The following C1orf21 variants were observed in gnomAD, a reference collection of about 807,000 sequenced individuals.
C1orf21 encodes uncharacterized protein C1orf21.
A neutral mutation model predicts 18.7 loss-of-function variants in C1orf21; 3 were observed. The ratio of observed to expected loss-of-function variants is 0.16; its 90% CI spans 0.07 to 0.42. The LOEUF (loss-of-function observed/expected upper bound fraction) is 0.42. Ranked by LOEUF, C1orf21 falls within the 10% of genes least tolerant of loss-of-function variation. The pLI, the probability that C1orf21 is intolerant of heterozygous loss-of-function variation, is 0.99. For synonymous variants in C1orf21, 41 were observed against 46.4 expected (o/e 0.88, Z 0.47); for missense variants, 104 against 143.6 (o/e 0.72, Z 1.41).
intron 5 of C1orf21, among the ~76,000 whole-genome samples, chr1:184,607,621 GTATATACACATACA>G (rs1404970472): frequency 2.7e-5 from 4 of 150,582 alleles, no homozygotes; most frequent in Non-Finnish European, 5.9e-5. Context: ...ATACACATGT[GTATATACACATACA>G]TATATATGTG....
intron 3 of C1orf21, among the ~76,000 whole-genome samples, chr1:184,510,476 G>A (rs1658127559): frequency 6.6e-6 from 1 of 152,210 alleles, no homozygotes; most frequent in Non-Finnish European, 1.5e-5. Flanking sequence ...AAAGGAGGCA[G>A]AGAACTCGTC....
At chr1:184,452,869 G>A (rs1351966101) in intron 1 of C1orf21, among the ~76,000 whole-genome samples, 2 of 151,922 alleles carry the variant, frequency 1.3e-5, no homozygotes, top group African/African-American at 4.8e-5. Flanking sequence ...AGATTTTTAA[G>A]GTTTTTAAAA....
chr1:184,488,852 C>G (rs1462240858), intron 2 of C1orf21, among the ~76,000 whole-genome samples: 4 of 152,156 alleles, frequency 2.6e-5, no homozygotes, highest in Non-Finnish European at 2.9e-5. Flanking sequence ...GTAGTCCCAG[C>G]TACTTGGGAG....
At chr1:184,470,320 G>A (rs1365528699) in intron 1 of C1orf21, among the ~76,000 whole-genome samples, 2 of 151,994 alleles carry the variant, frequency 1.3e-5, no homozygotes, top group African/African-American at 2.4e-5. Context: ...ATATATAAGT[G>A]CTTTTTCAAA....
At chr1:184,452,828 T>C (rs1157935531) in intron 1 of C1orf21, among the ~76,000 whole-genome samples, 1 of 152,190 alleles carries the variant, frequency 6.6e-6, no homozygotes, top group African/African-American at 2.4e-5. Context: ...CTGTCTTTCT[T>C]GTTTTAATAT....
At chr1:184,507,740 C>A in intron 3 of C1orf21, 58 bp downstream of exon 3, 2 of 1,350,544 alleles carry the variant, frequency 1.5e-6, no homozygotes. Flanking sequence ...GTAATAAAAT[C>A]TGCACTGCAT....
rs569750805 is a variant in C1orf21 at position 184,624,796 on chromosome 1, C to T, written c.*5240C>T. 6.6e-6 allele frequency: 1 copy of T among 152,200 alleles called. No individual in the cohort carries two copies. The highest frequency in any genetic ancestry group is 6.5e-5 in the Admixed American group (1 of 15,290). 9.4% of individuals were successfully genotyped at this position (152,200 alleles called of 1,614,324 possible). A position where few individuals can be genotyped will look rare whatever the true frequency, so the allele number is the denominator to read the frequency against. ...AACTTGTTCCAAGGTCGGAAGAGCC[C>T]AAGAACTCCTCAGAGTTCCTCTTCT... On this transcript the variant is annotated 3_prime_UTR_variant, in exon 6 of 6. Coordinates refer to ENST00000235307, the MANE Select transcript of C1orf21 (RefSeq NM_030806.4).
intron 1 of C1orf21, among the ~76,000 whole-genome samples, chr1:184,423,783 C>G (rs1005141201): frequency 2.0e-5 from 3 of 151,808 alleles, no homozygotes; most frequent in African/African-American, 7.3e-5. Flanking sequence ...GCCAACCATC[C>G]ATTCATCCCT....
chr1:184,452,350 G>C (rs1657135491), intron 1 of C1orf21, among the ~76,000 whole-genome samples: 1 of 152,204 alleles, frequency 6.6e-6, no homozygotes, highest in Admixed American at 6.5e-5. Flanking sequence ...GCAGGTGTGA[G>C]TGTGAGAACA....
intron 3 of C1orf21, among the ~76,000 whole-genome samples, chr1:184,584,701 T>C (rs1659329109): frequency 4.6e-5 from 7 of 152,112 alleles, no homozygotes; most frequent in Admixed American, 4.6e-4. Context: ...ATGAACAAAA[T>C]GTGGTGTATC....
chr1:184,492,959 A>G (rs1657836346), intron 2 of C1orf21, among the ~76,000 whole-genome samples: 1 of 152,186 alleles, frequency 6.6e-6, no homozygotes, highest in African/African-American at 2.4e-5. Context: ...TCACTCTGAG[A>G]GTGTGGTTTT....
chr1:184,562,352 C>T (rs72737715), intron 3 of C1orf21, among the ~76,000 whole-genome samples: 1 of 152,222 alleles, frequency 6.6e-6, no homozygotes, highest in Non-Finnish European at 1.5e-5. Context: ...AGTTATATAG[C>T]AATATCTCTC....
At chr1:184,446,959 T>C (rs1323928717) in intron 1 of C1orf21, among the ~76,000 whole-genome samples, 1 of 151,908 alleles carries the variant, frequency 6.6e-6, no homozygotes, top group African/African-American at 2.4e-5. Context: ...TACTGTTTTC[T>C]CTACTTTGAG....
chr1:184,401,230 T>C (rs192273606), intron 1 of C1orf21, among the ~76,000 whole-genome samples: 343 of 152,266 alleles, frequency 2.3e-3, no homozygotes, highest in Middle Eastern at 0.017. Context: ...TACTTATTTT[T>C]ATTTTTTGAG....
chr1:184,507,431 G>A (rs529330099), intron 2 of C1orf21, among the ~76,000 whole-genome samples, 157 bp from the exon 3 acceptor site: 1 of 152,262 alleles, frequency 6.6e-6, no homozygotes, highest in South Asian at 2.1e-4. Context: ...GATCTAAGAT[G>A]CCTAGTTAAG....
chr1:184,438,641 C>T (rs1405371174), intron 1 of C1orf21, among the ~76,000 whole-genome samples: 1 of 152,158 alleles, frequency 6.6e-6, no homozygotes, highest in Non-Finnish European at 1.5e-5. Context: ...AATATGTTGG[C>T]ACACTGAAAA....
chr1:184,536,972 C>A (rs1398110584), intron 3 of C1orf21, among the ~76,000 whole-genome samples: 1 of 152,018 alleles, frequency 6.6e-6, no homozygotes, highest in Non-Finnish European at 1.5e-5. Context: ...GTTTTGCATC[C>A]AAAAATCAAG....
intron 3 of C1orf21, among the ~76,000 whole-genome samples, chr1:184,534,482 T>G (rs1453283612): frequency 6.6e-6 from 1 of 152,212 alleles, no homozygotes; most frequent in Non-Finnish European, 1.5e-5. Context: ...CCATAGATGA[T>G]TTGCTTCTTT....
chr1:184,402,714 TTC>T (rs750526471), intron 1 of C1orf21, among the ~76,000 whole-genome samples: 1 of 152,242 alleles, frequency 6.6e-6, no homozygotes, highest in Non-Finnish European at 1.5e-5. Context: ...TTTCTGCATT[TTC>T]TGTTTTCCTC....
Sources: allele counts gnomAD v4.1 joint callset (sites outside exome capture counted in the v4.1 genomes callset), GRCh38; gene constraint gnomAD v4.1.1; transcripts MANE v1.5; gene names NCBI Gene and HGNC (gene_info 2026-07-23, HGNC 2026-07-21).